SUPT20HL2: variants seen among roughly 807,000 people sequenced by gnomAD.
SUPT20HL2 encodes the protein transcription factor SPT20 homolog-like 2.
For missense variants in SUPT20HL2, 288 were observed against 127.4 expected, an observed-to-expected ratio of 2.26 and a Z score of -6.07; for synonymous variants, 125 against 51.6, an observed-to-expected ratio of 2.42 and a Z score of -6.10.
chrX:24,310,718 G>A lies in SUPT20HL2; in HGVS notation c.*144C>T, dbSNP rs1235856318. The A allele has an allele frequency of 2.5e-5, 6 of 236,223 alleles. No homozygotes were observed. The East Asian group carries it at 7.2e-4, about 28-fold the overall frequency. The allele number at this position is 236,223 out of a possible 1,213,427, so 19.5% of individuals were successfully genotyped here. A position where few individuals can be genotyped will look rare whatever the true frequency, so the allele number is the denominator to read the frequency against. On this transcript the variant is annotated 3_prime_UTR_variant, in exon 1 of 1. Coordinates refer to ENST00000486479, the MANE Select transcript of SUPT20HL2 (RefSeq NM_001136233.3). Reference sequence around the variant, plus strand: ...ACTTCCTGTTTCTAAATAAAAATCGGTGGATTGTGCTTCTGTGTAAAGTGT... The same window carrying A: ...ACTTCCTGTTTCTAAATAAAAATCGATGGATTGTGCTTCTGTGTAAAGTGT...
At position 24,310,245 on chromosome X, in the gene SUPT20HL2, A is replaced by G. The variant is rs890982316; in HGVS notation, c.*617T>C. Among the ~76,000 whole-genome samples the G allele has an allele frequency of 6.3e-5, 7 of 111,542 alleles. No individual in the cohort carries two copies. The highest frequency in any genetic ancestry group is 2.3e-4 in the African/African-American group (7 of 30,692). On this transcript the variant is annotated 3_prime_UTR_variant, in exon 1 of 1. Coordinates refer to ENST00000486479, the MANE Select transcript of SUPT20HL2 (RefSeq NM_001136233.3). ...TTCCATGAAATGGCCAGGGTAGTCA[A>G]CTCATAGAGAAAGAAAGTAGAACAA...
In SUPT20HL2 at chrX:24,308,428, C is replaced by T. The variant is rs1398753740; in HGVS notation, c.*2434G>A. On this transcript the variant is annotated 3_prime_UTR_variant, in exon 1 of 1. Transcript: ENST00000486479. ...TCTACAACTGGTCATTGCACTCGTT[C>T]GCCTCTTAAAAGTGCAGGCACCATT... The T allele has an allele frequency of 3.0e-5, 9 of 304,761 alleles. No homozygotes were observed. Among genetic ancestry groups the T allele is most frequent in the East Asian group, 9.5e-5 (1 of 10,515 alleles). The allele number at this position is 304,761 out of a possible 1,213,427, so 25.1% of individuals were successfully genotyped here. A position where few individuals can be genotyped will look rare whatever the true frequency, so the allele number is the denominator to read the frequency against.
rs1311014949 is a variant in SUPT20HL2, at chrX:24,311,838, A to T, written c.1478T>A (p.Phe493Tyr). 2.9e-6 allele frequency: 1 copy of T among 350,588 alleles called. No homozygotes were observed. The highest frequency in any genetic ancestry group is 2.5e-5 in the South Asian group (1 of 39,761). 28.9% of individuals were successfully genotyped at this position (350,588 alleles called of 1,213,427 possible). A position where few individuals can be genotyped will look rare whatever the true frequency, so the allele number is the denominator to read the frequency against. Residue 493 changes from phenylalanine to tyrosine, a missense_variant, in exon 1 of 1, where the codon TTT (phenylalanine) becomes TAT (tyrosine). Coordinates refer to ENST00000486479, the MANE Select transcript of SUPT20HL2 (RefSeq NM_001136233.3). ...QQAGSPLKRP[F>Y]PAAAPAVAAA... ...AGCTACAGCAGGAGCAGCAGCAGGA[A>T]ATGGACGCTTAAGAGGGCTGCCTGC...
chrX:24,313,827 G>T lies in SUPT20HL2; in HGVS notation c.-512C>A, dbSNP rs866177244. 1 of 367,389 alleles carries T rather than the reference G, an allele frequency of 2.7e-6. No homozygotes were observed. The highest frequency in any genetic ancestry group is 4.4e-4 in the Middle Eastern group (1 of 2,259). The allele number at this position is 367,389 out of a possible 1,213,427, so 30.3% of individuals were successfully genotyped here. ...GGGAAGCGCTACCCAATCTGTTTGA[G>T]GGTTTCTGAAAACATCGGTACCTGA... On this transcript the variant is annotated 5_prime_UTR_variant, in exon 1 of 1. Transcript: ENST00000486479.
chrX:24,313,061 A>C lies in SUPT20HL2; in HGVS notation c.255T>G (p.Asn85Lys), dbSNP rs1439153604. The change falls in exon 1 of 1, where the codon AAT becomes AAG. Residue 85 changes from asparagine (N) to lysine (K), a missense_variant. Coordinates refer to ENST00000486479, the MANE Select transcript of SUPT20HL2 (RefSeq NM_001136233.3). Reference protein sequence around the residue: ...PCLLVNLYPGNQGYSVMLQRE... With the variant: ...PCLLVNLYPGKQGYSVMLQRE... ...TCTGGAGCATCACAGAATACCCCTG[A>C]TTGCCTGGGTATAGATTGACCAGTA... 2.8e-6 allele frequency: 1 copy of C among 361,469 alleles called. No individual in the cohort carries two copies. The highest frequency in any genetic ancestry group is 2.8e-5 in the African/African-American group (1 of 35,438). The allele number at this position is 361,469 out of a possible 1,213,427, so 29.8% of individuals were successfully genotyped here. A position where few individuals can be genotyped will look rare whatever the true frequency, so the allele number is the denominator to read the frequency against.
rs1939158502 is a variant in SUPT20HL2 at position 24,313,804 on chromosome X, G to A, written c.-489C>T. The A allele has an allele frequency of 3.0e-6, 1 of 333,067 alleles. No individual in the cohort carries two copies. Among genetic ancestry groups the A allele is most frequent in the African/African-American group, 2.9e-5 (1 of 34,480 alleles). The allele number at this position is 333,067 out of a possible 1,213,427, so 27.4% of individuals were successfully genotyped here. On this transcript the variant is annotated 5_prime_UTR_variant, in exon 1 of 1. Transcript: ENST00000486479. ...ACCTGCCCAGAAACCTGCCCCCAGG[G>A]AAGCGCTACCCAATCTGTTTGAGGG...
rs866584666 is a variant in SUPT20HL2, at chrX:24,311,051, C to T, written c.2265G>A (p.Leu755=). Residue 755 remains leucine, a synonymous_variant, in exon 1 of 1, where the codon CTG becomes CTA. Coordinates refer to ENST00000486479, the MANE Select transcript of SUPT20HL2 (RefSeq NM_001136233.3). ...GCTGTGGTTGTGGCTGCAGCAGCAG[C>T]AGCGGCTGTGGCTGCTGCCCCAAGA... ...PFVLGQQPQP[L]LLLQPQPQPQ... is the part of the protein sequence containing the mutation. The T allele has an allele frequency of 2.6e-6, 1 of 377,430 alleles. No homozygotes were observed. The highest frequency in any genetic ancestry group is 4.5e-4 in the Middle Eastern group (1 of 2,229). The allele number at this position is 377,430 out of a possible 1,213,427, so 31.1% of individuals were successfully genotyped here.
rs1939114752 is a variant in SUPT20HL2, at chrX:24,310,737, A to G, written c.*125T>C. On this transcript the variant is annotated 3_prime_UTR_variant, in exon 1 of 1. Transcript: ENST00000486479. ...AAATCGGTGGATTGTGCTTCTGTGT[A>G]AAGTGTGTATTTTAAAATGTAAAAT... 1 of 263,519 alleles carries G rather than the reference A, an allele frequency of 3.8e-6. No individual in the cohort carries two copies. The highest frequency in any genetic ancestry group is 2.9e-5 in the African/African-American group (1 of 34,963). The allele number at this position is 263,519 out of a possible 1,213,427, so 21.7% of individuals were successfully genotyped here. A position where few individuals can be genotyped will look rare whatever the true frequency, so the allele number is the denominator to read the frequency against.
chrX:24,309,692 T>A lies in SUPT20HL2; in HGVS notation c.*1170A>T, dbSNP rs1349436927. On this transcript the variant is annotated 3_prime_UTR_variant, in exon 1 of 1. Coordinates refer to ENST00000486479, the MANE Select transcript of SUPT20HL2 (RefSeq NM_001136233.3). ...TAGAGTATAATAAAAAAAAAAAAAT[T>A]AAAAAAAAAAATTAAAAAAAAAAAG... is the stretch of plus-strand genomic sequence containing the variant. Among the ~76,000 whole-genome samples the A allele has an allele frequency of 3.8e-3, 73 of 19,006 alleles. No homozygotes were observed. The highest frequency in any genetic ancestry group is 8.7e-3 in the East Asian group (5 of 574). The allele number at this position is 19,006 out of a possible 115,157, so 16.5% of individuals were successfully genotyped here. A position where few individuals can be genotyped will look rare whatever the true frequency, so the allele number is the denominator to read the frequency against.
rs1939098610 is a variant in SUPT20HL2 at position 24,309,728 on chromosome X, T to TAAAAAAAAAAAAAAAAAAAAAAAAAAA, written c.*1133_*1134insTTTTTTTTTTTTTTTTTTTTTTTTTTT. Among the ~76,000 whole-genome samples the TAAAAAAAAAAAAAAAAAAAAAAAAAAA allele has an allele frequency of 1.4e-3, 18 of 12,765 alleles. 1 individual carries two copies. Among genetic ancestry groups the TAAAAAAAAAAAAAAAAAAAAAAAAAAA allele is most frequent in the African/African-American group, 2.8e-3 (5 of 1,797 alleles). 11.1% of individuals were successfully genotyped at this position (12,765 alleles called of 115,157 possible). A position where few individuals can be genotyped will look rare whatever the true frequency, so the allele number is the denominator to read the frequency against. Reference sequence around the variant, plus strand: ...ATTAAAAAAAAAAAGAAAAAAATAATAAAAATAAAAAAAAAAAGAAAAAAA... The same window carrying TAAAAAAAAAAAAAAAAAAAAAAAAAAA: ...ATTAAAAAAAAAAAGAAAAAAATAATAAAAAAAAAAAAAAAAAAAAAAAAAAAAAAAATAAAAAAAAAAAGAAAAAAA... On this transcript the variant is annotated 3_prime_UTR_variant, in exon 1 of 1. Transcript: ENST00000486479.
chrX:24,312,034 C>A lies in SUPT20HL2; in HGVS notation c.1282G>T (p.Gly428Cys), dbSNP rs766228579. 2.6e-6 allele frequency: 1 copy of A among 377,583 alleles called. No individual in the cohort carries two copies. The highest frequency in any genetic ancestry group is 2.4e-5 in the South Asian group (1 of 41,301). 31.1% of individuals were successfully genotyped at this position (377,583 alleles called of 1,213,427 possible). The stretch of plus-strand genomic sequence containing the variant: ...GAGAGCTGACTGACACTGGCTGGGC[C>A]ACTGGAGCTGTGTGACATCTTGCCT... The part of the protein sequence containing the change: ...GPGKMSHSSS[G>C]PASVSQLSSW... Residue 428 changes from glycine (G) to cysteine (C), a missense_variant, in exon 1 of 1, where the codon GGC becomes TGC. Transcript: ENST00000486479.
In SUPT20HL2 at chrX:24,313,242, C is replaced by T. The variant is rs1486033668; in HGVS notation, c.74G>A (p.Arg25Lys). The T allele has an allele frequency of 1.0e-5, 4 of 384,770 alleles. No individual in the cohort carries two copies. Among genetic ancestry groups the T allele is most frequent in the African/African-American group, 1.0e-4 (4 of 38,953 alleles). The allele number at this position is 384,770 out of a possible 1,213,427, so 31.7% of individuals were successfully genotyped here. A position where few individuals can be genotyped will look rare whatever the true frequency, so the allele number is the denominator to read the frequency against. ...TCCCGCCCTAGGTGAGTATCTCCTT[C>T]TAGGACGTCTCTGTTGGGCAATTTC... Reference protein sequence around the residue: ...ITEIAQQRRPRRRYSPRAGKT... With the variant: ...ITEIAQQRRPKRRYSPRAGKT... Residue 25 changes from arginine to lysine, a missense_variant, in exon 1 of 1, where the codon AGA (arginine) becomes AAA (lysine). Physicochemically the swap from Arg to Lys is conservative, Grantham distance 26. Coordinates refer to ENST00000486479, the MANE Select transcript of SUPT20HL2 (RefSeq NM_001136233.3).
At position 24,312,626 on chromosome X, in the gene SUPT20HL2, C is replaced by T; in HGVS notation, c.690G>A (p.Met230Ile). ...ANRLLYNKQK[M>I]NTDPMEQCLQ... ...GGCACTGTTCCATCGGGTCGGTATT[C>T]ATCTTTTGCTTGTTGTACAGCAGCC... The change falls in exon 1 of 1, where the codon ATG becomes ATA. Residue 230 changes from methionine (M) to isoleucine (I), a missense_variant. Met to Ile is a conservative substitution (Grantham distance 10, BLOSUM62 1). Coordinates refer to ENST00000486479, the MANE Select transcript of SUPT20HL2 (RefSeq NM_001136233.3). 1 of 386,976 alleles carries T rather than the reference C, an allele frequency of 2.6e-6. No individual in the cohort carries two copies. The highest frequency in any genetic ancestry group is 2.3e-5 in the South Asian group (1 of 42,813). 31.9% of individuals were successfully genotyped at this position (386,976 alleles called of 1,213,427 possible).
chrX:24,313,352 C>T lies in SUPT20HL2; in HGVS notation c.-37G>A. Reference sequence around the variant, plus strand: ...ACAGGGCCCCTAAGAGGAGAGAAAACGCATGTGCGTTGGTGAAGCAGGGTG... The same window carrying T: ...ACAGGGCCCCTAAGAGGAGAGAAAATGCATGTGCGTTGGTGAAGCAGGGTG... On this transcript the variant is annotated 5_prime_UTR_variant, in exon 1 of 1. Coordinates refer to ENST00000486479, the MANE Select transcript of SUPT20HL2 (RefSeq NM_001136233.3). 3.0e-6 allele frequency: 1 copy of T among 329,890 alleles called. No homozygotes were observed. The highest frequency in any genetic ancestry group is 5.9e-6 in the Non-Finnish European group (1 of 168,960). 27.2% of individuals were successfully genotyped at this position (329,890 alleles called of 1,213,427 possible). A position where few individuals can be genotyped will look rare whatever the true frequency, so the allele number is the denominator to read the frequency against.
At position 24,311,659 on chromosome X, in the gene SUPT20HL2, G is replaced by A. The variant is rs199936242; in HGVS notation, c.1657C>T (p.Arg553Cys). ...KASRRRPAAG[R>C]PTRFVKIAPA... ...GCTATTTTTACGAATCTGGTGGGGC[G>A]CCCGGCAGCTGGACGGCGCCTGCTA... The change falls in exon 1 of 1, where the codon CGC becomes TGC. Residue 553 changes from arginine to cysteine, a missense_variant. By Grantham distance (180) the Arg-to-Cys change is radical. Transcript: ENST00000486479. 2 of 383,382 alleles carry A rather than the reference G, an allele frequency of 5.2e-6. No individual in the cohort carries two copies. Among genetic ancestry groups the A allele is most frequent in the Admixed American group, 2.6e-5 (1 of 39,196 alleles). 31.6% of individuals were successfully genotyped at this position (383,382 alleles called of 1,213,427 possible). A position where few individuals can be genotyped will look rare whatever the true frequency, so the allele number is the denominator to read the frequency against.
Position 24,309,586 on chromosome X carries a change from G to A in SUPT20HL2, c.*1276C>T, listed in dbSNP as rs368457443. On this transcript the variant is annotated 3_prime_UTR_variant, in exon 1 of 1. Transcript: ENST00000486479. ...AGATATACCTAATGCTAGATGACAC[G>A]TTAGTGGGTGCAGCGCACCAGCATG... 5.7e-3 allele frequency among the ~76,000 whole-genome samples: 541 copies of A among 95,676 alleles called. 8 individuals carry two copies. Among genetic ancestry groups the A allele is most frequent in the African/African-American group, 0.02 (516 of 25,955 alleles). The allele number at this position is 95,676 out of a possible 115,157, so 83.1% of individuals were successfully genotyped here.
At position 24,312,160 on chromosome X, in the gene SUPT20HL2, G is replaced by C. The variant is rs757309631; in HGVS notation, c.1156C>G (p.Pro386Ala). ...KSQKSPWQPF[P>A]DDHSACLRPG... ...CTGAGACAAGCTGAATGGTCATCTG[G>C]GAAGGGCTGCCAGGGAGACTTCTGG... Residue 386 changes from proline to alanine, a missense_variant, in exon 1 of 1, where the codon CCA becomes GCA. Physicochemically the swap from Pro to Ala is conservative, Grantham distance 27 (BLOSUM62 -1). Coordinates refer to ENST00000486479, the MANE Select transcript of SUPT20HL2 (RefSeq NM_001136233.3). 1.1e-5 allele frequency: 4 copies of C among 379,265 alleles called. No individual in the cohort carries two copies. Among genetic ancestry groups the C allele is most frequent in the Non-Finnish European group, 2.1e-5 (4 of 190,152 alleles). 31.3% of individuals were successfully genotyped at this position (379,265 alleles called of 1,213,427 possible). A position where few individuals can be genotyped will look rare whatever the true frequency, so the allele number is the denominator to read the frequency against.
rs370831048 is a variant in SUPT20HL2, at chrX:24,313,420, G to A, written c.-105C>T. 83 of 336,307 alleles carry A rather than the reference G, an allele frequency of 2.5e-4. No homozygotes were observed. The highest frequency in any genetic ancestry group is 7.0e-4 in the East Asian group (9 of 12,877). The allele number at this position is 336,307 out of a possible 1,213,427, so 27.7% of individuals were successfully genotyped here. ...TTAATCTACAGGCCCGCAAGACGCC[G>A]CAAGTCCACACTGAGTTCAACACGG... On this transcript the variant is annotated 5_prime_UTR_variant, in exon 1 of 1. Coordinates refer to ENST00000486479, the MANE Select transcript of SUPT20HL2 (RefSeq NM_001136233.3).
rs1939103628 is a variant in SUPT20HL2, at chrX:24,309,748, A to AAAAAAAAAAAAAAAAAAAAAAAAAAAAG, written c.*1113_*1114insCTTTTTTTTTTTTTTTTTTTTTTTTTTT. On this transcript the variant is annotated 3_prime_UTR_variant, in exon 1 of 1. Coordinates refer to ENST00000486479, the MANE Select transcript of SUPT20HL2 (RefSeq NM_001136233.3). ...AATAATAAAAATAAAAAAAAAAAGA[A>AAAAAAAAAAAAAAAAAAAAAAAAAAAAG]AAAAAAAAAAAAAAAAAAAAACATC... is the stretch of plus-strand genomic sequence containing the variant. 1.5e-4 allele frequency among the ~76,000 whole-genome samples: 2 copies of AAAAAAAAAAAAAAAAAAAAAAAAAAAAG among 13,427 alleles called. No individual in the cohort carries two copies. Among genetic ancestry groups the AAAAAAAAAAAAAAAAAAAAAAAAAAAAG allele is most frequent in the Non-Finnish European group, 5.2e-4 (2 of 3,826 alleles). The allele number at this position is 13,427 out of a possible 115,157, so 11.7% of individuals were successfully genotyped here. A position where few individuals can be genotyped will look rare whatever the true frequency, so the allele number is the denominator to read the frequency against.
Sources: allele counts gnomAD v4.1 joint callset (sites outside exome capture counted in the v4.1 genomes callset), GRCh38; gene constraint gnomAD v4.1.1; transcripts MANE v1.5; gene names NCBI Gene and HGNC (gene_info 2026-07-23, HGNC 2026-07-21).